The following NRG3 variants were observed in gnomAD, a reference collection of about 807,000 sequenced individuals.
NRG3 encodes neuregulin 3.
A neutral mutation model predicts 66.9 loss-of-function variants in NRG3; 31 were observed. The ratio of observed to expected loss-of-function variants is 0.46; its 90% confidence interval spans 0.35 to 0.63. NRG3 has a LOEUF of 0.63. NRG3 is among the 20% of genes least tolerant of loss of function. The pLI is 0.00. For missense variants in NRG3, 910 were observed against 878.9 expected (o/e 1.04, Z -0.45); for synonymous variants, 393 against 359.4 (o/e 1.09, Z -1.06).
At position 82,285,858 on chromosome 10, in the gene NRG3, T is replaced by C. The variant is rs143716435; in HGVS notation, c.824-72881T>C. Among the ~76,000 whole-genome samples, 1,041 of 152,320 alleles carry C rather than the reference T, an allele frequency of 6.8e-3. 9 individuals are homozygous for C. Among genetic ancestry groups the C allele is most frequent in the African/African-American group, 0.024 (984 of 41,576 alleles). ...AAGTCAGAGCTGCCCTACCTCAGAA[T>C]AGAGCTTCTTTATTCCTTCAAATTC... On this transcript the variant is annotated intron_variant, in intron 1 of 8. Coordinates refer to ENST00000372141, the MANE Select transcript of NRG3 (RefSeq NM_001010848.4).
intron 1 of NRG3, among the ~76,000 whole-genome samples, chr10:81,990,713 A>T (rs1283435490): frequency 2.0e-5 from 3 of 152,188 alleles, no homozygotes; most frequent in African/African-American, 7.2e-5. Context: ...TATAGCAGCC[A>T]TATAAATAAC....
At chr10:82,760,503 C>A (rs924512269) in intron 3 of NRG3, among the ~76,000 whole-genome samples, 1 of 151,938 alleles carries the variant, frequency 6.6e-6, no homozygotes, top group Non-Finnish European at 1.5e-5. Context: ...TAATTAATAG[C>A]GAAGCATAAT....
At chr10:82,717,349 A>G (rs1285696883) in intron 2 of NRG3, among the ~76,000 whole-genome samples, 1 of 140,706 alleles carries the variant, frequency 7.1e-6, no homozygotes, top group Admixed American at 6.9e-5. Context: ...ATCCAGGTTC[A>G]TTGGTTTGCA....
chr10:82,135,467 A>G (rs1079831), intron 1 of NRG3, among the ~76,000 whole-genome samples: 9,185 of 152,104 alleles, frequency 0.06, 682 homozygotes, highest in African/African-American at 0.18. Flanking sequence ...TAAGGCAAAT[A>G]ACTCTTGGAT....
chr10:82,430,689 T>C (rs758619532), intron 2 of NRG3, among the ~76,000 whole-genome samples: 20 of 152,230 alleles, frequency 1.3e-4, no homozygotes, highest in Non-Finnish European at 2.4e-4. Context: ...GCTTTTAGTT[T>C]CTTTCATGGA....
Position 82,223,756 on chromosome 10 carries a change from C to T in NRG3, c.824-134983C>T, listed in dbSNP as rs144882465. On this transcript the variant is annotated intron_variant, in intron 1 of 8. Coordinates refer to ENST00000372141, the MANE Select transcript of NRG3 (RefSeq NM_001010848.4). ...ACACACTTCACAGACACACACTCCA[C>T]GTGTTCTGCCTAATTTCTTGGTATT... Among the ~76,000 whole-genome samples the T allele has an allele frequency of 3.8e-3, 573 of 151,954 alleles. 16 individuals are homozygous for T. Among genetic ancestry groups the T allele is most frequent in the Admixed American group, 0.035 (533 of 15,228 alleles).
intron 2 of NRG3, among the ~76,000 whole-genome samples, chr10:82,608,888 C>A (rs1271250080): frequency 6.6e-6 from 1 of 152,076 alleles, no homozygotes; most frequent in African/African-American, 2.4e-5. Context: ...AATGTATCAC[C>A]CCTCCCCCTC....
At chr10:82,689,943 A>T (rs556936814) in intron 2 of NRG3, among the ~76,000 whole-genome samples, 1 of 152,290 alleles carries the variant, frequency 6.6e-6, no homozygotes, top group Admixed American at 6.5e-5. Context: ...GTAAATGAAG[A>T]TGAAAGAAAG....
intron 2 of NRG3, among the ~76,000 whole-genome samples, chr10:82,719,914 A>G (rs921883306): frequency 2.6e-5 from 4 of 152,202 alleles, no homozygotes; most frequent in African/African-American, 9.6e-5. Flanking sequence ...GAATTGAGAG[A>G]TTAGGATATT....
chr10:82,769,491 T>C (rs1211853451), intron 3 of NRG3, among the ~76,000 whole-genome samples: 1 of 152,100 alleles, frequency 6.6e-6, no homozygotes, highest in Admixed American at 6.6e-5. Context: ...ATAATTTCAA[T>C]ATTAAAAAAA....
intron 1 of NRG3, among the ~76,000 whole-genome samples, chr10:81,883,993 T>G (rs1332762539): frequency 6.6e-6 from 1 of 152,212 alleles, no homozygotes; most frequent in African/African-American, 2.4e-5. Context: ...GTTATTTATT[T>G]TTGAAATAAG....
chr10:82,912,470 A>T (rs1008898255), intron 4 of NRG3, among the ~76,000 whole-genome samples: 2 of 152,102 alleles, frequency 1.3e-5, no homozygotes, highest in African/African-American at 4.8e-5. Flanking sequence ...AAATTAATAT[A>T]GTCACACCAT....
intron 2 of NRG3, among the ~76,000 whole-genome samples, chr10:82,557,480 T>G (rs2044727586): frequency 6.6e-6 from 1 of 152,014 alleles, no homozygotes; most frequent in Non-Finnish European, 1.5e-5. Context: ...CTTTTTAATG[T>G]TTTTTTCTTG....
chr10:82,879,293 G>A (rs1035889539), intron 4 of NRG3, among the ~76,000 whole-genome samples: 1 of 152,080 alleles, frequency 6.6e-6, no homozygotes, highest in African/African-American at 2.4e-5. Flanking sequence ...AATAGTATAT[G>A]TTTTTCTTAA....
intron 1 of NRG3, among the ~76,000 whole-genome samples, chr10:82,192,825 A>C (rs1451539642): frequency 6.6e-6 from 1 of 152,196 alleles, no homozygotes; most frequent in Non-Finnish European, 1.5e-5. Context: ...ATTAGTGCTA[A>C]AACATGCTAA....
intron 1 of NRG3, among the ~76,000 whole-genome samples, chr10:82,119,688 T>C (rs1037423867): frequency 2.0e-5 from 3 of 152,154 alleles, no homozygotes; most frequent in African/African-American, 7.2e-5. Flanking sequence ...CACTTGAATT[T>C]GGACAAATAT....
intron 2 of NRG3, among the ~76,000 whole-genome samples, chr10:82,526,234 G>A (rs1846680123): frequency 1.3e-5 from 2 of 151,136 alleles, no homozygotes. Flanking sequence ...AAAATTGCAG[G>A]ATAAAAAATG....
At chr10:82,813,708 A>G (rs1360411984) in intron 3 of NRG3, among the ~76,000 whole-genome samples, 1 of 152,218 alleles carries the variant, frequency 6.6e-6, no homozygotes, top group Non-Finnish European at 1.5e-5. Context: ...ACACAGTCTC[A>G]TTTATATTCA....
intron 1 of NRG3, among the ~76,000 whole-genome samples, chr10:81,967,519 T>C (rs1175008983): frequency 6.6e-6 from 1 of 152,146 alleles, no homozygotes; most frequent in Admixed American, 6.6e-5. Context: ...AAAAGTCGTA[T>C]GCATATTAGA....
Sources: allele counts gnomAD v4.1 joint callset (sites outside exome capture counted in the v4.1 genomes callset), GRCh38; gene constraint gnomAD v4.1.1; transcripts MANE v1.5; gene names NCBI Gene and HGNC (gene_info 2026-07-23, HGNC 2026-07-21).